KLHL2: variants seen among roughly 807,000 people sequenced by gnomAD.
KLHL2 encodes kelch-like protein 2.
KLHL2 carries 15 observed loss-of-function variants against 75.8 expected under a neutral mutation model. That is an observed-to-expected ratio of 0.20 (90% confidence interval 0.13 to 0.30). The LOEUF is 0.30. KLHL2 is among the 10% of genes least tolerant of loss of function. The pLI is 1.00. For missense variants in KLHL2, 381 were observed against 741.0 expected (o/e 0.51, Z 5.64); for synonymous variants, 214 against 251.9 (o/e 0.85, Z 1.42).
intron 13 of KLHL2, 68 bp from the exon 14 acceptor site, chr4:165,317,758 A>G (rs568044288): frequency 8.3e-7 from 1 of 1,207,460 alleles, no homozygotes; most frequent in East Asian, 2.3e-5. Context: ...CTCACTAAAC[A>G]TGTACAGTGA....
intron 6 of KLHL2, among the ~76,000 whole-genome samples, chr4:165,294,820 A>G (rs1444640258): frequency 6.6e-6 from 1 of 152,176 alleles, no homozygotes; most frequent in Non-Finnish European, 1.5e-5. Flanking sequence ...CTACAACTCA[A>G]TGCCTGTAGG....
intron 5 of KLHL2, among the ~76,000 whole-genome samples, chr4:165,272,729 T>A (rs1003907075): frequency 1.2e-4 from 19 of 152,026 alleles, no homozygotes; most frequent in African/African-American, 4.1e-4. Flanking sequence ...TTTTAGGAGA[T>A]CATTAGATTT....
intron 4 of KLHL2, among the ~76,000 whole-genome samples, chr4:165,249,803 G>A (rs901067777): frequency 6.6e-6 from 1 of 152,092 alleles, no homozygotes; most frequent in African/African-American, 2.4e-5. Flanking sequence ...ATTTAATAAT[G>A]TGGACCATTT....
At chr4:165,320,103 T>C (rs1299218825) in intron 14 of KLHL2, among the ~76,000 whole-genome samples, 1 of 151,892 alleles carries the variant, frequency 6.6e-6, no homozygotes, top group Non-Finnish European at 1.5e-5. Context: ...AAGAAAGTTG[T>C]TGAGGAGAAT....
At chr4:165,250,722 G>T (rs1451409891) in intron 4 of KLHL2, among the ~76,000 whole-genome samples, 2 of 152,050 alleles carry the variant, frequency 1.3e-5, no homozygotes, top group African/African-American at 2.4e-5. Context: ...AGATGGGCAG[G>T]AATAAAAAGA....
At chr4:165,268,684 G>A (rs989597802) in intron 5 of KLHL2, among the ~76,000 whole-genome samples, 1 of 152,204 alleles carries the variant, frequency 6.6e-6, no homozygotes, top group African/African-American at 2.4e-5. Context: ...GAGACAGTTT[G>A]TTGTGATTTC....
At chr4:165,209,913 T>C (rs1737085450) in intron 1 of KLHL2, 1 of 952,308 alleles carries the variant, frequency 1.1e-6, no homozygotes, top group Non-Finnish European at 1.5e-6. Flanking sequence ...TGCCACCCCT[T>C]GGCCTGTTTG....
intron 4 of KLHL2, among the ~76,000 whole-genome samples, chr4:165,255,788 T>C (rs1741119732): frequency 6.6e-6 from 1 of 152,102 alleles, no homozygotes; most frequent in Non-Finnish European, 1.5e-5. Context: ...GCAGGATAGC[T>C]ATGGCTAGCT....
chr4:165,310,789 T>C, intron 10 of KLHL2, 39 bp downstream of exon 10: 1 of 1,472,292 alleles, frequency 6.8e-7, no homozygotes, highest in South Asian at 1.1e-5. Context: ...GCTGCTAAAA[T>C]TAACGTAGTA....
At position 165,322,037 on chromosome 4, in the gene KLHL2, A is replaced by G; in HGVS notation, c.1759A>G (p.Thr587Ala). 1.9e-6 allele frequency: 3 copies of G among 1,613,786 alleles called. No homozygotes were observed. The highest frequency in any genetic ancestry group is 2.5e-6 in the Non-Finnish European group (3 of 1,179,756). The change falls in exon 15 of 15, where the codon ACA becomes GCA. Residue 587 changes from threonine to alanine, a missense_variant. Coordinates refer to ENST00000226725, the MANE Select transcript of KLHL2 (RefSeq NM_007246.4). ...CTCTTCATTTCTTTGCTCAGGGGTCACAGTTATTGATAAACCATTATGAGC... is the reference window on the plus strand; with the variant it reads ...CTCTTCATTTCTTTGCTCAGGGGTCGCAGTTATTGATAAACCATTATGAGC... ...MSTGRSYAGVTVIDKPL is the reference protein window; with the variant it reads ...MSTGRSYAGVAVIDKPL
intron 7 of KLHL2, 139 bp downstream of exon 7, chr4:165,297,864 C>T (rs779396339): frequency 1.3e-4 from 85 of 650,656 alleles, no homozygotes; most frequent in African/African-American, 4.6e-4. Flanking sequence ...TAAAGGACCC[C>T]GCAGGCTGGA....
intron 5 of KLHL2, among the ~76,000 whole-genome samples, chr4:165,264,750 A>ATATATATATATATATATG (rs1742092042): frequency 2.3e-5 from 2 of 88,350 alleles, no homozygotes; most frequent in Non-Finnish European, 4.3e-5. Flanking sequence ...GTATATATAT[A>ATATATATATATATATATG]TATATATATA....
At chr4:165,306,107 G>A (rs905208380) in intron 9 of KLHL2, among the ~76,000 whole-genome samples, 9 of 152,170 alleles carry the variant, frequency 5.9e-5, no homozygotes, top group African/African-American at 2.2e-4. Context: ...CTTCTTCAAG[G>A]CATCTGTTTT....
intron 5 of KLHL2, among the ~76,000 whole-genome samples, chr4:165,266,108 T>C (rs1418584394): frequency 1.3e-5 from 2 of 152,250 alleles, no homozygotes; most frequent in African/African-American, 4.8e-5. Flanking sequence ...GTTGGCTGCA[T>C]AAATGTCTTC....
intron 8 of KLHL2, among the ~76,000 whole-genome samples, chr4:165,300,220 G>A (rs1013036860): frequency 7.9e-5 from 12 of 151,894 alleles, no homozygotes; most frequent in African/African-American, 2.7e-4. Flanking sequence ...CCCAGGAGGC[G>A]GAGGTTGCAG....
At position 165,275,500 on chromosome 4, in the gene KLHL2, C is replaced by G. The variant is rs186150104; in HGVS notation, c.544+12141C>G. 6.9e-3 allele frequency among the ~76,000 whole-genome samples: 1,053 copies of G among 152,288 alleles called. 5 individuals are homozygous for G. The highest frequency in any genetic ancestry group is 0.013 in the Non-Finnish European group (871 of 68,024). On this transcript the variant is annotated intron_variant, in intron 5 of 14. Coordinates refer to ENST00000226725, the MANE Select transcript of KLHL2 (RefSeq NM_007246.4). ...ACATTTAAGGGGACAAAAATTGTTT[C>G]AGATTTTTAGTCATTCCTATACCTC...
At chr4:165,263,495 G>A in intron 5 of KLHL2, 136 bp downstream of exon 5, 2 of 1,232,648 alleles carry the variant, frequency 1.6e-6, no homozygotes, top group Non-Finnish European at 2.2e-6. Context: ...TCTTATAATG[G>A]TCACACTGCA....
chr4:165,258,075 G>A (rs922514424), intron 4 of KLHL2, among the ~76,000 whole-genome samples: 10 of 152,140 alleles, frequency 6.6e-5, no homozygotes, highest in Non-Finnish European at 1.2e-4. Context: ...GGAAGGAGGG[G>A]CGAGGGCCTC....
intron 13 of KLHL2, 82 bp from the exon 14 acceptor site, chr4:165,317,744 T>C (rs764711049): frequency 3.9e-5 from 40 of 1,014,434 alleles, no homozygotes; most frequent in Middle Eastern, 2.2e-4. Context: ...TGTCTCTGGA[T>C]TACCTCACTA....
Sources: gnomAD v4.1 joint callset for allele counts (sites outside exome capture counted in the v4.1 genomes callset) on GRCh38, gnomAD v4.1.1 for gene constraint, MANE v1.5 for transcripts, NCBI Gene and HGNC (gene_info 2026-07-23, HGNC 2026-07-21) for gene names.